The following SEMA5B variants were observed in gnomAD, a reference collection of about 807,000 sequenced individuals.
SEMA5B encodes the protein semaphorin 5B.
In SEMA5B, 66 loss-of-function variants were observed where a neutral mutation model predicts 135.0. The ratio of observed to expected loss-of-function variants is 0.49; its 90% CI spans 0.40 to 0.60. SEMA5B has a LOEUF of 0.60. Ranked by LOEUF, SEMA5B falls within the 20% of genes least tolerant of loss-of-function variation. The probability of loss-of-function intolerance (pLI) is 0.00; values close to 1 mark genes in which losing one functional copy is unlikely to be tolerated. For missense variants in SEMA5B, 1,501 were observed against 1,566.3 expected (o/e 0.96, Z 0.70); for synonymous variants, 690 against 639.5 (o/e 1.08, Z -1.19).
Position 123,027,724 on chromosome 3 carries a change from C to G in SEMA5B, c.-299G>C, listed in dbSNP as rs1206990884. 1 of 152,112 alleles carries G rather than the reference C, an allele frequency of 6.6e-6. No homozygotes were observed. Among genetic ancestry groups the G allele is most frequent in the Non-Finnish European group, 1.5e-5 (1 of 68,008 alleles). 9.4% of individuals were successfully genotyped at this position (152,112 alleles called of 1,614,324 possible). A position where few individuals can be genotyped will look rare whatever the true frequency, so the allele number is the denominator to read the frequency against. On this transcript the variant is annotated 5_prime_UTR_variant, in exon 1 of 23. Coordinates refer to ENST00000357599, the MANE Select transcript of SEMA5B (RefSeq NM_001031702.4). ...GGGCTCTGGCACCAACCCCCGCGCT[C>G]CAACTAGCTCCCGACCCGGCGCTCG...
intron 1 of SEMA5B, among the ~76,000 whole-genome samples, chr3:123,026,108 G>T (rs1396658066): frequency 1.3e-5 from 2 of 152,210 alleles, no homozygotes; most frequent in African/African-American, 4.8e-5. Context: ...GCCGAAGTGG[G>T]TTGGGGTGCC....
At position 122,973,019 on chromosome 3, in the gene SEMA5B, C is replaced by A. The variant is rs59658930; in HGVS notation, c.-38-11718G>T. On this transcript the variant is annotated intron_variant, in intron 1 of 22. Transcript: ENST00000357599. ...GAGCCTGGAAACTGTGGGAGAACCC[C>A]TACAGATTAATGACAGGTCATTCAG... 5.7e-3 allele frequency among the ~76,000 whole-genome samples: 864 copies of A among 152,314 alleles called. 9 individuals are homozygous for A. Among genetic ancestry groups the A allele is most frequent in the African/African-American group, 0.02 (837 of 41,556 alleles).
rs544543383 is a variant in SEMA5B at position 122,975,962 on chromosome 3, C to T, written c.-38-14661G>A. On this transcript the variant is annotated intron_variant, in intron 1 of 22. Transcript: ENST00000357599. ...CTCCATCCAACCTCCTCAACACATC[C>T]CAAATCTAGAAACTCTTCATGTCAT... 74 of 1,533,994 alleles carry T rather than the reference C, an allele frequency of 4.8e-5. No individual in the cohort carries two copies. The Admixed American group carries it at 5.5e-4, about 11-fold the overall frequency.
chr3:123,007,893 C>T lies in SEMA5B; in HGVS notation c.-39+19571G>A, dbSNP rs576743564. Among the ~76,000 whole-genome samples, 3 of 152,302 alleles carry T rather than the reference C, an allele frequency of 2.0e-5. No homozygotes were observed. In the South Asian group the frequency reaches 6.2e-4, roughly 32 times the overall value. On this transcript the variant is annotated intron_variant, in intron 1 of 22. Coordinates refer to ENST00000357599, the MANE Select transcript of SEMA5B (RefSeq NM_001031702.4). ...AGTATAAATCCAATTCCAGTATACT[C>T]CAATATAGTATAATTCCAATTCCAG...
upstream of SEMA5B, among the ~76,000 whole-genome samples, chr3:123,028,261 G>C (rs576034295): frequency 5.3e-4 from 80 of 152,342 alleles, no homozygotes; most frequent in Non-Finnish European, 9.0e-4. Context: ...AAGGGGAAGG[G>C]ACCTCGTGTA....
At chr3:122,974,684 A>G (rs1467544762) in intron 1 of SEMA5B, among the ~76,000 whole-genome samples, 2 of 152,110 alleles carry the variant, frequency 1.3e-5, no homozygotes, top group Non-Finnish European at 2.9e-5. Flanking sequence ...GGGGTCTTTA[A>G]GAGAAGCACA....
intron 1 of SEMA5B, among the ~76,000 whole-genome samples, chr3:122,979,775 G>T (rs199718564): frequency 6.6e-6 from 1 of 152,166 alleles, no homozygotes; most frequent in East Asian, 1.9e-4. Context: ...ATAATGCCTG[G>T]CTATCTGGCT....
chr3:122,927,315 T>G (rs967648295), intron 8 of SEMA5B, among the ~76,000 whole-genome samples: 1 of 152,080 alleles, frequency 6.6e-6, no homozygotes, highest in Non-Finnish European at 1.5e-5. Context: ...GTCTCCTGAG[T>G]AGGTAGGAAT....
chr3:122,974,584 T>A (rs1264955603), intron 1 of SEMA5B, among the ~76,000 whole-genome samples: 1 of 151,944 alleles, frequency 6.6e-6, no homozygotes, highest in Non-Finnish European at 1.5e-5. Context: ...AGGTGGATGG[T>A]GTCCAGGAGC....
chr3:122,936,839 A>G (rs1319786516), intron 5 of SEMA5B, among the ~76,000 whole-genome samples: 2 of 152,108 alleles, frequency 1.3e-5, no homozygotes, highest in Non-Finnish European at 2.9e-5. Context: ...CCTCTTCCCT[A>G]CTTCAGAGCT....
chr3:122,999,187 G>A (rs1942105272), intron 1 of SEMA5B, among the ~76,000 whole-genome samples: 1 of 152,258 alleles, frequency 6.6e-6, no homozygotes, highest in East Asian at 1.9e-4. Context: ...ATTGAGGCAT[G>A]TCCCCAGCTG....
chr3:122,946,227 C>T (rs1016140857), intron 3 of SEMA5B, among the ~76,000 whole-genome samples: 2 of 152,166 alleles, frequency 1.3e-5, no homozygotes, highest in Non-Finnish European at 1.5e-5. Flanking sequence ...GTAACACTGG[C>T]AAATGAGAGA....
chr3:122,922,018 G>C lies in SEMA5B; in HGVS notation c.1585C>G (p.Arg529Gly). 1.3e-6 allele frequency: 2 copies of C among 1,513,136 alleles called. No homozygotes were observed. The highest frequency in any genetic ancestry group is 2.2e-5 in the Admixed American group (1 of 45,348). 93.7% of individuals were successfully genotyped at this position (1,513,136 alleles called of 1,614,324 possible). The change falls in exon 12 of 23, where the codon CGC becomes GGC. Residue 529 changes from arginine (R) to glycine (G), a missense_variant. By Grantham distance (125) the Arg-to-Gly change is moderately radical. Around this residue, in one of 2 missense-constraint regions of SEMA5B, gnomAD observed 927 missense variants for 881.6 expected, o/e 1.05. Coordinates refer to ENST00000357599, the MANE Select transcript of SEMA5B (RefSeq NM_001031702.4). Reference protein sequence around the residue: ...VLPPGRREPLRSLRILHSARA... With the variant: ...VLPPGRREPLGSLRILHSARA... ...GCGCTGTGCAGGATGCGCAGGCTGC[G>C]CAGGGGCTCGCGGCGCCCGGGGGGC...
chr3:122,977,094 G>A (rs1941353296), intron 1 of SEMA5B, among the ~76,000 whole-genome samples: 2 of 152,136 alleles, frequency 1.3e-5, no homozygotes, highest in Admixed American at 6.5e-5. Flanking sequence ...GTGCAGTCAG[G>A]GCCTCTCTGA....
chr3:123,004,265 A>T (rs1313445318), intron 1 of SEMA5B, among the ~76,000 whole-genome samples: 1 of 152,244 alleles, frequency 6.6e-6, no homozygotes, highest in African/African-American at 2.4e-5. Context: ...AGTGAAGAAA[A>T]ATTTGCTTTA....
rs1172126970 is a variant in SEMA5B at position 122,910,122 on chromosome 3, C to G, written c.*21G>C. On this transcript the variant is annotated 3_prime_UTR_variant, in exon 23 of 23. Coordinates refer to ENST00000357599, the MANE Select transcript of SEMA5B (RefSeq NM_001031702.4). ...CTGTGCCTTATGAAGGCAAGAAGCC[C>G]AAGTCCCCAGGACGGCGGTATCAGC... 2 of 1,610,930 alleles carry G rather than the reference C, an allele frequency of 1.2e-6. No individual in the cohort carries two copies. The highest frequency in any genetic ancestry group is 2.2e-5 in the South Asian group (2 of 90,336).
intron 5 of SEMA5B, among the ~76,000 whole-genome samples, chr3:122,930,813 A>G (rs1373745033): frequency 6.6e-6 from 1 of 152,218 alleles, no homozygotes; most frequent in Non-Finnish European, 1.5e-5. Context: ...GAAGAACACT[A>G]AAGTCCAGAG....
intron 20 of SEMA5B, 90 bp from the exon 21 acceptor site, chr3:122,911,625 G>T: frequency 1.5e-6 from 2 of 1,352,338 alleles, no homozygotes; most frequent in South Asian, 1.4e-5. Context: ...AGGACCTCTA[G>T]GTCAACGCTC....
At chr3:123,004,209 C>A (rs1183103292) in intron 1 of SEMA5B, among the ~76,000 whole-genome samples, 2 of 152,192 alleles carry the variant, frequency 1.3e-5, no homozygotes, top group East Asian at 3.8e-4. Context: ...GTTATAAGAA[C>A]TTTAGTTATC....
Sources: gnomAD v4.1 joint callset for allele counts (sites outside exome capture counted in the v4.1 genomes callset) on GRCh38, gnomAD v4.1.1 for gene constraint, gnomAD v4.1.1 regional missense constraint, MANE v1.5 for transcripts, NCBI Gene and HGNC (gene_info 2026-07-23, HGNC 2026-07-21) for gene names.